The following FRMD8 variants were observed in gnomAD, a reference collection of about 807,000 sequenced individuals.
FRMD8 encodes FERM domain containing 8, also known as FERM domain-containing protein 8.
Under a neutral mutation model 54.2 loss-of-function variants are expected in FRMD8, and 37 were observed. That is an observed-to-expected ratio of 0.68 (90% CI 0.53 to 0.90). FRMD8 has a LOEUF of 0.90. FRMD8 is among the 40% of genes least tolerant of loss of function. The probability of loss-of-function intolerance (pLI) is 0.00; values close to 1 mark genes in which losing one functional copy is unlikely to be tolerated. For synonymous variants in FRMD8, 246 were observed against 286.9 expected, an observed-to-expected ratio of 0.86 and a Z score of 1.44; for missense variants, 585 against 653.7, an observed-to-expected ratio of 0.89 and a Z score of 1.15.
intron 2 of FRMD8, among the ~76,000 whole-genome samples, chr11:65,388,206 G>T (rs1027720814): frequency 1.3e-5 from 2 of 151,792 alleles, no homozygotes; most frequent in African/African-American, 4.8e-5. Flanking sequence ...ATCTTCATTT[G>T]ATAGGGAGGA....
At chr11:65,387,142 C>T (rs1380782685) in intron 2 of FRMD8, 21 bp downstream of exon 2, 2 of 1,587,124 alleles carry the variant, frequency 1.3e-6, no homozygotes, top group Non-Finnish European at 1.7e-6. Flanking sequence ...CCCGCATCTC[C>T]TCTTCCACAC....
At chr11:65,379,947 G>C in the FRMD8 span, 1 of 1,614,200 alleles carries the variant, frequency 6.2e-7, no homozygotes, top group African/African-American at 1.3e-5. Flanking sequence ...ACCTGGGTGG[G>C]AGGACAGAGC....
At chr11:65,377,196 G>C in the FRMD8 span, 1 of 1,454,848 alleles carries the variant, frequency 6.9e-7, no homozygotes, top group Non-Finnish European at 9.0e-7. Context: ...CAGGAACCCT[G>C]CCGGCACCCA....
the FRMD8 span, among the ~76,000 whole-genome samples, chr11:65,370,783 G>T: frequency 2.0e-5 from 3 of 151,940 alleles, no homozygotes; most frequent in African/African-American, 7.3e-5. Flanking sequence ...AGGGAGTCGA[G>T]GCCAGATGCA....
At position 65,394,367 on chromosome 11, in the gene FRMD8, G is replaced by C. The variant is rs370378943; in HGVS notation, c.523G>C (p.Val175Leu). ...VEDCEALGAL[V>L]CRVQLGPYQP... ...GGACTGCGAGGCTCTGGGCGCCCTGGTGTGCCGCGTGCAGCTTGGGCCCTA... is the reference window on the plus strand; with the variant it reads ...GGACTGCGAGGCTCTGGGCGCCCTGCTGTGCCGCGTGCAGCTTGGGCCCTA... Residue 175 changes from valine to leucine, a missense_variant, in exon 6 of 11, where the codon GTG becomes CTG. Transcript: ENST00000317568. 20 of 1,575,914 alleles carry C rather than the reference G, an allele frequency of 1.3e-5. No individual in the cohort carries two copies. The highest frequency in any genetic ancestry group is 3.3e-4 in the Middle Eastern group (2 of 6,008).
intron 3 of FRMD8, among the ~76,000 whole-genome samples, chr11:65,392,796 T>A (rs931100548): frequency 1.3e-5 from 2 of 151,454 alleles, no homozygotes; most frequent in Admixed American, 1.3e-4. Flanking sequence ...ACCATTGGGG[T>A]GATGGAAAAT....
In FRMD8 at chr11:65,387,127, T is replaced by A; in HGVS notation, c.85+6T>A. On this transcript the variant is annotated splice_donor_region_variant and intron_variant, in intron 2 of 10. Coordinates refer to ENST00000317568, the MANE Select transcript of FRMD8 (RefSeq NM_031904.5). ...GTCCTCCGTGGGAGCCCGAGGTGGGTCCCACCCGCATCTCCTCTTCCACAC... is the reference window on the plus strand; with the variant it reads ...GTCCTCCGTGGGAGCCCGAGGTGGGACCCACCCGCATCTCCTCTTCCACAC... 1 of 1,603,640 alleles carries A rather than the reference T, an allele frequency of 6.2e-7. No homozygotes were observed. Among genetic ancestry groups the A allele is most frequent in the Non-Finnish European group, 8.5e-7 (1 of 1,179,372 alleles).
At chr11:65,386,810 T>G (rs1590644645) in intron 1 of FRMD8, 49 bp downstream of exon 1, 12 of 521,136 alleles carry the variant, frequency 2.3e-5, no homozygotes, top group Non-Finnish European at 3.0e-5. Context: ...CGGCTGGGCG[T>G]GCGCCTTGCC....
chr11:65,396,673 A>C (rs1021990834), intron 6 of FRMD8, 126 bp from the exon 7 acceptor site: 8 of 578,960 alleles, frequency 1.4e-5, no homozygotes, highest in Non-Finnish European at 2.0e-5. Context: ...TGGGCTCCTT[A>C]CCCAGCCTCT....
chr11:65,394,217 C>G, intron 5 of FRMD8, 42 bp from the exon 6 acceptor site: 1 of 1,594,190 alleles, frequency 6.3e-7, no homozygotes, highest in African/African-American at 1.3e-5. Flanking sequence ...TCTCCCTGCC[C>G]CAGCCCAGCT....
rs768848891 is a variant in FRMD8, at chr11:65,394,334, G to A, written c.490G>A (p.Asp164Asn). ...CGTGCTGGCTGCACGGTACCCGTGC[G>A]ACGTGGAGGACTGCGAGGCTCTGGG... Reference protein sequence around the residue: ...GNVLAARYPCDVEDCEALGAL... With the variant: ...GNVLAARYPCNVEDCEALGAL... The change falls in exon 6 of 11, where the codon GAC (aspartate) becomes AAC (asparagine). Residue 164 changes from aspartate (D) to asparagine (N), a missense_variant. Asp to Asn is a conservative substitution (Grantham distance 23). Transcript: ENST00000317568. 6 of 1,584,574 alleles carry A rather than the reference G, an allele frequency of 3.8e-6. No homozygotes were observed. Among genetic ancestry groups the A allele is most frequent in the African/African-American group, 1.3e-5 (1 of 74,234 alleles).
chr11:65,393,899 C>G (rs1855892082), intron 4 of FRMD8, 142 bp from the exon 5 acceptor site: 2 of 903,424 alleles, frequency 2.2e-6, no homozygotes, highest in Non-Finnish European at 3.5e-6. Flanking sequence ...TTGGGATGAG[C>G]TGCACACTCC....
chr11:65,378,911 C>G, the FRMD8 span: 3 of 166,130 alleles, frequency 1.8e-5, no homozygotes, highest in Non-Finnish European at 2.6e-5. Context: ...GCTCCCAGGT[C>G]ATGGGCACCC....
chr11:65,402,627 C>A (rs1856106719), intron 9 of FRMD8, among the ~76,000 whole-genome samples: 1 of 152,012 alleles, frequency 6.6e-6, no homozygotes, highest in Non-Finnish European at 1.5e-5. Flanking sequence ...CCGCTATCCA[C>A]CCCCCAAAAA....
At chr11:65,384,030 C>T (rs952683879), upstream of FRMD8, among the ~76,000 whole-genome samples, 1 of 152,110 alleles carries the variant, frequency 6.6e-6, no homozygotes, top group Non-Finnish European at 1.5e-5. Flanking sequence ...GCTCTAAAGG[C>T]TGGAGGCCGC....
rs1210930479 is a variant in FRMD8, at chr11:65,404,521, G to A, written c.1072-343G>A. ...CCAGCACCACCCGCCTCCCCGCCCC[G>A]CTTCCCCACTCTTCGTCCTCTCTGC... On this transcript the variant is annotated intron_variant, in intron 9 of 10. Coordinates refer to ENST00000317568, the MANE Select transcript of FRMD8 (RefSeq NM_031904.5). This position sits in a 1 kb window ranked among gnomAD's most constrained non-coding sequence, Gnocchi z 4.7. Among the ~76,000 whole-genome samples, 1 of 56,182 alleles carries A rather than the reference G, an allele frequency of 1.8e-5. No homozygotes were observed. The highest frequency in any genetic ancestry group is 3.5e-5 in the Non-Finnish European group (1 of 28,286). The allele number at this position is 56,182 out of a possible 152,430, so 36.9% of individuals were successfully genotyped here.
chr11:65,374,797 T>C, the FRMD8 span, among the ~76,000 whole-genome samples: 1 of 151,924 alleles, frequency 6.6e-6, no homozygotes, highest in Admixed American at 6.6e-5. Flanking sequence ...TGAGACCTCC[T>C]CTCTACAAAA....
chr11:65,402,589 G>C (rs1426658215), intron 9 of FRMD8, among the ~76,000 whole-genome samples: 2 of 152,076 alleles, frequency 1.3e-5, no homozygotes, highest in African/African-American at 4.8e-5. Context: ...AGAAGTTTTA[G>C]AATCAGCTTG....
rs1219006900 is a variant in FRMD8 at position 65,412,469 on chromosome 11, T to TA, written c.*1110dup. On this transcript the variant is annotated 3_prime_UTR_variant, in exon 11 of 11. Transcript: ENST00000317568. ...CGAGGACACTTGGAAAGGTGACTGA[T>TA]ATGGGTGCTTGGCTTCTCTGGTCCC... 4 of 152,296 alleles carry TA rather than the reference T, an allele frequency of 2.6e-5. No homozygotes were observed. The highest frequency in any genetic ancestry group is 4.8e-5 in the African/African-American group (2 of 41,470). The allele number at this position is 152,296 out of a possible 1,614,324, so 9.4% of individuals were successfully genotyped here.
Sources: allele counts gnomAD v4.1 joint callset (sites outside exome capture counted in the v4.1 genomes callset), GRCh38; gene constraint gnomAD v4.1.1; non-coding constraint Gnocchi (gnomAD v3.1); transcripts MANE v1.5; gene names NCBI Gene and HGNC (gene_info 2026-07-23, HGNC 2026-07-21).